USP49: variants seen among roughly 807,000 people sequenced by gnomAD.
USP49 encodes ubiquitin carboxyl-terminal hydrolase 49.
USP49 carries 24 observed loss-of-function variants against 58.6 expected under a neutral mutation model. That is an observed-to-expected ratio of 0.41 (90% CI 0.30 to 0.58). The LOEUF (loss-of-function observed/expected upper bound fraction) is 0.58. USP49 is among the 20% of genes least tolerant of loss of function. USP49 has a pLI of 0.30. For missense variants in USP49, 703 were observed against 866.1 expected (o/e 0.81, Z 2.36); for synonymous variants, 408 against 365.1 (o/e 1.12, Z -1.34).
At chr6:41,860,281 GAGAA>G (rs1422733568) in intron 3 of USP49, among the ~76,000 whole-genome samples, 49 of 151,246 alleles carry the variant, frequency 3.2e-4, no homozygotes, top group Middle Eastern at 3.4e-3. Flanking sequence ...GGGAGAGAGA[GAGAA>G]AGAGAGAGAG....
At chr6:41,894,549 C>T (rs1278576597) in intron 1 of USP49, 1 of 152,548 alleles carries the variant, frequency 6.6e-6, no homozygotes, top group Non-Finnish European at 1.5e-5. Flanking sequence ...CAGCTCATCT[C>T]GCTCCGCACT....
chr6:41,868,367 T>C (rs1436088426), intron 3 of USP49, among the ~76,000 whole-genome samples: 9 of 152,222 alleles, frequency 5.9e-5, no homozygotes, highest in Non-Finnish European at 8.8e-5. Flanking sequence ...CTCGCTCTGT[T>C]GCCAGGCTGG....
intron 5 of USP49, among the ~76,000 whole-genome samples, chr6:41,802,267 C>T (rs1773014061): frequency 2.0e-5 from 3 of 151,892 alleles, no homozygotes; most frequent in Non-Finnish European, 4.4e-5. Flanking sequence ...GGCAATCCTC[C>T]TGCCTTGGCC....
chr6:41,893,161 T>G (rs1267178731), intron 1 of USP49, among the ~76,000 whole-genome samples: 2 of 152,186 alleles, frequency 1.3e-5, no homozygotes, highest in Non-Finnish European at 2.9e-5. Flanking sequence ...ACTCATAAAT[T>G]TATTTGCCCT....
intron 3 of USP49, among the ~76,000 whole-genome samples, chr6:41,855,496 C>G (rs1156666987): frequency 6.6e-6 from 1 of 152,096 alleles, no homozygotes; most frequent in Non-Finnish European, 1.5e-5. Flanking sequence ...GCCTGGGCAA[C>G]AGAGTGAGCC....
Position 41,892,247 on chromosome 6 carries a change from C to A in USP49, c.-184-372G>T, listed in dbSNP as rs73733049. On this transcript the variant is annotated intron_variant, in intron 1 of 7. Transcript: ENST00000682992. ...CCTTCTTTACCAATATCAAATAAGT[C>A]TATAATCACTTATATAAAGATATTG... Among the ~76,000 whole-genome samples, 59 of 152,190 alleles carry A rather than the reference C, an allele frequency of 3.9e-4. 1 individual carries two copies. Among genetic ancestry groups the A allele is most frequent in the African/African-American group, 1.4e-3 (58 of 41,542 alleles).
At chr6:41,808,971 T>C in intron 3 of USP49, among the ~76,000 whole-genome samples, 1 of 151,650 alleles carries the variant, frequency 6.6e-6, no homozygotes, top group East Asian at 2.0e-4. Flanking sequence ...TGGAGTGCGG[T>C]GGTGTGATCT....
chr6:41,791,683 C>T lies in USP49; in HGVS notation c.*4850G>A, dbSNP rs910076199. 6.6e-6 allele frequency: 1 copy of T among 152,074 alleles called. No individual in the cohort carries two copies. Among genetic ancestry groups the T allele is most frequent in the Non-Finnish European group, 1.5e-5 (1 of 68,024 alleles). 9.4% of individuals were successfully genotyped at this position (152,074 alleles called of 1,614,324 possible). On this transcript the variant is annotated 3_prime_UTR_variant, in exon 8 of 8. Transcript: ENST00000682992. ...TGCCAGCAGAAGTATGGAATGAGTC[C>T]ACAAAAATGAGTGCCTGCCACAATG...
chr6:41,888,490 G>A (rs1022803037), intron 2 of USP49, among the ~76,000 whole-genome samples: 3 of 152,062 alleles, frequency 2.0e-5, no homozygotes, highest in African/African-American at 7.2e-5. Context: ...TTTCACTCTT[G>A]TTGCCCAGGC....
intron 3 of USP49, among the ~76,000 whole-genome samples, chr6:41,871,029 C>A (rs1304821356): frequency 6.6e-6 from 1 of 151,664 alleles, no homozygotes; most frequent in Non-Finnish European, 1.5e-5. Context: ...CCAGCCTGGG[C>A]AACAGAGCAA....
chr6:41,851,248 C>T (rs559304168), intron 3 of USP49, among the ~76,000 whole-genome samples: 1 of 152,204 alleles, frequency 6.6e-6, no homozygotes, highest in South Asian at 2.1e-4. Context: ...CAACAAAATA[C>T]TGGAAAATTC....
chr6:41,805,026 G>C (rs541111880), intron 4 of USP49, among the ~76,000 whole-genome samples: 1 of 152,340 alleles, frequency 6.6e-6, no homozygotes, highest in African/African-American at 2.4e-5. Flanking sequence ...GGGATTACAG[G>C]CATGAGCCAC....
At chr6:41,825,308 C>T (rs1464590970) in intron 3 of USP49, among the ~76,000 whole-genome samples, 1 of 152,110 alleles carries the variant, frequency 6.6e-6, no homozygotes, top group Admixed American at 6.6e-5. Context: ...GCGTATGATA[C>T]TGCCTAAGTA....
At chr6:41,845,928 A>C (rs1390064015) in intron 3 of USP49, among the ~76,000 whole-genome samples, 2 of 152,162 alleles carry the variant, frequency 1.3e-5, no homozygotes, top group African/African-American at 4.8e-5. Context: ...TGATAGTTTT[A>C]ATTTATAAAT....
At chr6:41,890,242 G>T (rs1424853320) in intron 2 of USP49, among the ~76,000 whole-genome samples, 1 of 151,910 alleles carries the variant, frequency 6.6e-6, no homozygotes, top group African/African-American at 2.4e-5. Context: ...GGCTGGATGT[G>T]GTGGTGGGTG....
In USP49 at chr6:41,848,442, G is replaced by A. The variant is rs184607287; in HGVS notation, c.-29+23122C>T. Among the ~76,000 whole-genome samples the A allele has an allele frequency of 2.0e-5, 3 of 152,108 alleles. No individual in the cohort carries two copies. In the East Asian group the frequency reaches 5.8e-4, roughly 29 times the overall value. On this transcript the variant is annotated intron_variant, in intron 3 of 7. Transcript: ENST00000682992. ...AGTGCAGTGGCACTATCATGGTTCA[G>A]TGCAGCCTCGACCTCCTGGGCTCAA...
Position 41,796,624 on chromosome 6 carries a change from ACT to A in USP49, c.1974_1975del (p.Val659AlafsTer21). 1 of 717,466 alleles carries A rather than the reference ACT, an allele frequency of 1.4e-6. No homozygotes were observed. The highest frequency in any genetic ancestry group is 2.6e-6 in the Non-Finnish European group (1 of 385,092). 44.4% of individuals were successfully genotyped at this position (717,466 alleles called of 1,614,324 possible). On this transcript the variant is annotated frameshift_variant, in exon 8 of 8. Transcript: ENST00000682992. LOFTEE classifies it high-confidence loss of function. ...TTCTGAGATTCTTGCATTGCCCTGC[ACT>A]GTTCTTTGAGTGTAAAAAAGGATGT...
At chr6:41,851,458 C>G (rs1774026395) in intron 3 of USP49, among the ~76,000 whole-genome samples, 3 of 152,212 alleles carry the variant, frequency 2.0e-5, no homozygotes, top group Admixed American at 2.0e-4. Context: ...AAACATCAAA[C>G]AAAGTATAAA....
intron 3 of USP49, among the ~76,000 whole-genome samples, chr6:41,823,296 G>C (rs1384409985): frequency 6.6e-6 from 1 of 152,188 alleles, no homozygotes; most frequent in Non-Finnish European, 1.5e-5. Context: ...AAAGGACATG[G>C]CACTGAGAAG....
Sources: gnomAD v4.1 joint callset for allele counts (sites outside exome capture counted in the v4.1 genomes callset) on GRCh38, gnomAD v4.1.1 for gene constraint, MANE v1.5 for transcripts, NCBI Gene and HGNC (gene_info 2026-07-23, HGNC 2026-07-21) for gene names.